ZNF407: variants seen among roughly 807,000 people sequenced by gnomAD.
ZNF407 encodes zinc finger protein 407.
In ZNF407, 17 loss-of-function variants were observed where a neutral mutation model predicts 131.2. The observed-to-expected ratio is 0.13, with a 90% CI of 0.09 to 0.19. ZNF407 has a LOEUF of 0.19. ZNF407 is among the 10% of genes least tolerant of loss of function. The probability of loss-of-function intolerance (pLI) is 1.00; values close to 1 mark genes in which losing one functional copy is unlikely to be tolerated. For synonymous variants in ZNF407, 1,156 were observed against 1,062.0 expected, an observed-to-expected ratio of 1.09 and a Z score of -1.72; for missense variants, 2,681 against 2,830.6, an observed-to-expected ratio of 0.95 and a Z score of 1.20.
intron 8 of ZNF407, among the ~76,000 whole-genome samples, chr18:74,936,587 G>A (rs953101872): frequency 6.6e-6 from 1 of 152,120 alleles, no homozygotes; most frequent in Non-Finnish European, 1.5e-5. Flanking sequence ...ACTCCGTAAG[G>A]GGAACTCAGG....
chr18:75,009,095 A>G (rs968443895), intron 8 of ZNF407, among the ~76,000 whole-genome samples: 2 of 152,174 alleles, frequency 1.3e-5, no homozygotes, highest in African/African-American at 4.8e-5. Context: ...TCCAGAATAT[A>G]CTTTCAGGGA....
intron 1 of ZNF407, among the ~76,000 whole-genome samples, chr18:74,624,185 A>G (rs964111156): frequency 1.3e-5 from 2 of 152,166 alleles, no homozygotes; most frequent in African/African-American, 4.8e-5. Context: ...GGGGAGAGCC[A>G]GAGGGGCTTT....
intron 3 of ZNF407, among the ~76,000 whole-genome samples, chr18:74,708,488 A>G (rs936114481): frequency 6.6e-6 from 1 of 152,096 alleles, no homozygotes; most frequent in Non-Finnish European, 1.5e-5. Context: ...CAGGATAACT[A>G]TTGTGCTTTT....
chr18:75,061,060 C>A (rs1296648183), intron 8 of ZNF407, among the ~76,000 whole-genome samples: 2 of 152,132 alleles, frequency 1.3e-5, no homozygotes, highest in Admixed American at 6.5e-5. Context: ...AGAATTAACT[C>A]GGTATTGAAA....
At chr18:74,852,185 AC>A (rs1568241496) in intron 4 of ZNF407, among the ~76,000 whole-genome samples, 1 of 118,588 alleles carries the variant, frequency 8.4e-6, no homozygotes, top group Non-Finnish European at 1.9e-5. Flanking sequence ...ACACACACAC[AC>A]ACACACACAC....
At position 74,635,964 on chromosome 18, in the gene ZNF407, C is replaced by G. The variant is rs1009601711; in HGVS notation, c.4687+258C>G. 6.6e-6 allele frequency among the ~76,000 whole-genome samples: 1 copy of G among 152,162 alleles called. No homozygotes were observed. Among genetic ancestry groups the G allele is most frequent in the African/African-American group, 2.4e-5 (1 of 41,434 alleles). On this transcript the variant is annotated intron_variant, in intron 2 of 8. Transcript: ENST00000299687. This position sits in a 1 kb window ranked among gnomAD's most constrained non-coding sequence, Gnocchi z 4.7. ...GTCAAAAAGCCTAGTCCCTCTGATG[C>G]CTTTTAAAAACTGCTGTCTGTTGGC... is the stretch of plus-strand genomic sequence containing the variant.
intron 4 of ZNF407, among the ~76,000 whole-genome samples, chr18:74,832,983 T>C (rs1256336595): frequency 2.6e-5 from 4 of 152,216 alleles, no homozygotes; most frequent in Non-Finnish European, 5.9e-5. Flanking sequence ...AGAAGAGGAT[T>C]ACTGCTTCCA....
chr18:74,617,185 C>CCACACACATCCAT (rs1983351286), intron 1 of ZNF407, among the ~76,000 whole-genome samples: 3 of 149,540 alleles, frequency 2.0e-5, no homozygotes, highest in African/African-American at 7.4e-5. Flanking sequence ...TATCCACACA[C>CCACACACATCCAT]ATCGACACAC....
At position 74,982,269 on chromosome 18, in the gene ZNF407, A is replaced by G. The variant is rs377210675; in HGVS notation, c.5428+61577A>G. Among the ~76,000 whole-genome samples the G allele has an allele frequency of 3.9e-3, 589 of 152,320 alleles. 11 individuals carry two copies. Among genetic ancestry groups the G allele is most frequent in the African/African-American group, 0.013 (560 of 41,566 alleles). On this transcript the variant is annotated intron_variant, in intron 8 of 8. Coordinates refer to ENST00000299687, the MANE Select transcript of ZNF407 (RefSeq NM_017757.3). ...GTTAACCTTTTCTACACAGCGTCCT[A>G]TTGAAGACAATCTAACCTTAAAGCC...
intron 4 of ZNF407, among the ~76,000 whole-genome samples, chr18:74,813,289 A>G (rs1257187207): frequency 6.6e-6 from 1 of 152,132 alleles, no homozygotes; most frequent in Non-Finnish European, 1.5e-5. Context: ...CTCAGCCCTC[A>G]GAGACTGCAT....
rs149046464 is a variant in ZNF407 at position 74,834,956 on chromosome 18, A to G, written c.4878-42241A>G. ...ATTTTTGTTTTCCTTTTTGCTTCTT[A>G]GATTTCTGACAGTACCCTTGTACAG... On this transcript the variant is annotated intron_variant, in intron 4 of 8. Coordinates refer to ENST00000299687, the MANE Select transcript of ZNF407 (RefSeq NM_017757.3). Among the ~76,000 whole-genome samples the G allele has an allele frequency of 4.6e-3, 698 of 152,164 alleles. 7 individuals are homozygous for G. Among genetic ancestry groups the G allele is most frequent in the Non-Finnish European group, 3.5e-3 (237 of 68,008 alleles).
intron 8 of ZNF407, among the ~76,000 whole-genome samples, chr18:75,036,054 C>T (rs541350232): frequency 1.9e-4 from 29 of 152,130 alleles, no homozygotes; most frequent in African/African-American, 7.0e-4. Context: ...AATAACGTGT[C>T]TTTTTTTTCT....
Position 74,932,605 on chromosome 18 carries a change from C to T in ZNF407, c.5428+11913C>T, listed in dbSNP as rs1307632956. 2.6e-5 allele frequency among the ~76,000 whole-genome samples: 4 copies of T among 152,210 alleles called. No individual in the cohort carries two copies. The East Asian group carries it at 7.7e-4, about 29-fold the overall frequency. ...GTTATAACCAATCATTCAAAAAAAA[C>T]TTATGTGTAAATAAAATGAGATCTG... On this transcript the variant is annotated intron_variant, in intron 8 of 8. Transcript: ENST00000299687.
intron 4 of ZNF407, among the ~76,000 whole-genome samples, chr18:74,784,093 A>G (rs1263058674): frequency 6.6e-6 from 1 of 152,226 alleles, no homozygotes; most frequent in East Asian, 1.9e-4. Flanking sequence ...ACCCTTCGTC[A>G]GTATGCTGGA....
chr18:74,996,116 G>A (rs1279981757), intron 8 of ZNF407, among the ~76,000 whole-genome samples: 2 of 152,156 alleles, frequency 1.3e-5, no homozygotes, highest in South Asian at 4.1e-4. Flanking sequence ...AAATTGAATA[G>A]TAGGATTTTA....
intron 8 of ZNF407, among the ~76,000 whole-genome samples, chr18:74,938,490 G>A (rs1020919703): frequency 5.9e-5 from 9 of 151,992 alleles, no homozygotes; most frequent in South Asian, 4.1e-4. Flanking sequence ...CTTTTAGATC[G>A]TCTTAATTTT....
At chr18:74,968,293 A>G (rs1972431965) in intron 8 of ZNF407, among the ~76,000 whole-genome samples, 1 of 152,218 alleles carries the variant, frequency 6.6e-6, no homozygotes. Context: ...CCCAGCTTTT[A>G]AATATTGTAG....
At chr18:74,733,478 T>C (rs964060015) in intron 3 of ZNF407, among the ~76,000 whole-genome samples, 3 of 152,218 alleles carry the variant, frequency 2.0e-5, no homozygotes, top group Non-Finnish European at 2.9e-5. Flanking sequence ...AAAAATGTTA[T>C]TGCTATTCCA....
chr18:74,945,317 G>A (rs1353616147), intron 8 of ZNF407, among the ~76,000 whole-genome samples: 1 of 152,140 alleles, frequency 6.6e-6, no homozygotes, highest in Non-Finnish European at 1.5e-5. Flanking sequence ...ATTGCCGTGT[G>A]TCCTATAAAT....
Sources: gnomAD v4.1 joint callset for allele counts (sites outside exome capture counted in the v4.1 genomes callset) on GRCh38, gnomAD v4.1.1 for gene constraint, Gnocchi (gnomAD v3.1) non-coding constraint, MANE v1.5 for transcripts, NCBI Gene and HGNC (gene_info 2026-07-23, HGNC 2026-07-21) for gene names.